TMCC3: variants seen among roughly 807,000 people sequenced by gnomAD.
The protein encoded by TMCC3 is transmembrane and coiled-coil domain family 3, also known as transmembrane and coiled-coil domain protein 3.
A neutral mutation model predicts 40.2 loss-of-function variants in TMCC3; 28 were observed. The ratio of observed to expected loss-of-function variants is 0.70; its 90% CI spans 0.52 to 0.95. TMCC3 has a LOEUF of 0.95. Among genes scored for constraint, TMCC3 ranks in the 40% least tolerant of loss-of-function variants. TMCC3 has a pLI of 0.00. For synonymous variants in TMCC3, 255 were observed against 248.5 expected, an observed-to-expected ratio of 1.03 and a Z score of -0.25; for missense variants, 554 against 615.2, an observed-to-expected ratio of 0.90 and a Z score of 1.05.
intron 1 of TMCC3, among the ~76,000 whole-genome samples, chr12:94,647,807 G>A (rs1472732371): frequency 1.3e-5 from 2 of 152,180 alleles, no homozygotes; most frequent in African/African-American, 4.8e-5. Context: ...CAGTAAAATT[G>A]TTGCTTTCCC....
At chr12:94,610,826 A>C (rs947667617) in intron 1 of TMCC3, among the ~76,000 whole-genome samples, 2 of 152,186 alleles carry the variant, frequency 1.3e-5, no homozygotes, top group Admixed American at 1.3e-4. Context: ...GATATGTACA[A>C]TTGTATACTC....
At chr12:94,594,035 G>GGC (rs1019775055) in intron 1 of TMCC3, among the ~76,000 whole-genome samples, 4 of 152,048 alleles carry the variant, frequency 2.6e-5, no homozygotes, top group African/African-American at 9.7e-5. Flanking sequence ...AGGGATGTGA[G>GGC]GCAACACCCA....
chr12:94,613,555 A>G lies in TMCC3; in HGVS notation c.79-31017T>C, dbSNP rs1394680002. 2.0e-5 allele frequency among the ~76,000 whole-genome samples: 3 copies of G among 152,220 alleles called. No individual in the cohort carries two copies. The East Asian group carries it at 5.8e-4, about 29-fold the overall frequency. ...TACTTTATAAAGGTCAAACGCAGGC[A>G]AACTCTTTTTTAGGTATGAACACAC... On this transcript the variant is annotated intron_variant, in intron 1 of 3. Transcript: ENST00000261226.
intron 1 of TMCC3, among the ~76,000 whole-genome samples, chr12:94,600,137 A>G (rs1292243018): frequency 6.6e-6 from 1 of 151,868 alleles, no homozygotes; most frequent in Non-Finnish European, 1.5e-5. Flanking sequence ...GGGTTTGGGG[A>G]CTGGGTTATA....
chr12:94,576,805 A>G (rs2068567858), intron 3 of TMCC3, among the ~76,000 whole-genome samples: 1 of 152,042 alleles, frequency 6.6e-6, no homozygotes, highest in Non-Finnish European at 1.5e-5. Context: ...AAGGCAATCA[A>G]GGAGCCTGGG....
chr12:94,615,437 C>T (rs1296028173), intron 1 of TMCC3, among the ~76,000 whole-genome samples: 2 of 152,234 alleles, frequency 1.3e-5, no homozygotes, highest in Non-Finnish European at 2.9e-5. Flanking sequence ...GGCAGCATCA[C>T]ACAAAGTCAG....
rs201398574 is a variant in TMCC3 at position 94,581,574 on chromosome 12, T to A, written c.995+48A>T. ...AATAAAATAACATAAAATAAAAAAA[T>A]AAATAAATAAAAAATAAAAAACACG... On this transcript the variant is annotated intron_variant, in intron 2 of 3. Coordinates refer to ENST00000261226, the MANE Select transcript of TMCC3 (RefSeq NM_020698.4). 2.4e-3 allele frequency: 2,815 copies of A among 1,179,928 alleles called. 49 individuals carry two copies. The African/African-American group carries it at 0.041, about 17-fold the overall frequency. The allele number at this position is 1,179,928 out of a possible 1,614,324, so 73.1% of individuals were successfully genotyped here. A position where few individuals can be genotyped will look rare whatever the true frequency, so the allele number is the denominator to read the frequency against.
At chr12:94,617,156 A>G (rs2068852373) in intron 1 of TMCC3, among the ~76,000 whole-genome samples, 2 of 152,206 alleles carry the variant, frequency 1.3e-5, no homozygotes, top group South Asian at 4.1e-4. Flanking sequence ...TATTCACAAG[A>G]TAGGCAAGAG....
chr12:94,586,733 C>T (rs577729587), intron 1 of TMCC3, among the ~76,000 whole-genome samples: 2 of 152,360 alleles, frequency 1.3e-5, no homozygotes, highest in South Asian at 4.1e-4. Flanking sequence ...CTCTCACAGA[C>T]CTCTCGTTAC....
At chr12:94,582,574 A>G in intron 1 of TMCC3, 36 bp from the exon 2 acceptor site, 1 of 1,526,728 alleles carries the variant, frequency 6.5e-7, no homozygotes, top group East Asian at 2.3e-5. Flanking sequence ...TTAAAATTTG[A>G]AGTCAAAGAG....
intron 1 of TMCC3, among the ~76,000 whole-genome samples, chr12:94,621,167 G>A (rs1482460122): frequency 6.6e-6 from 1 of 152,210 alleles, no homozygotes; most frequent in African/African-American, 2.4e-5. Context: ...ACACAGCACA[G>A]AGAATTCTAT....
Position 94,650,475 on chromosome 12 carries a change from C to A in TMCC3, c.-45G>T. 1 of 1,234,490 alleles carries A rather than the reference C, an allele frequency of 8.1e-7. No individual in the cohort carries two copies. Among genetic ancestry groups the A allele is most frequent in the Non-Finnish European group, 1.0e-6 (1 of 984,092 alleles). 76.5% of individuals were successfully genotyped at this position (1,234,490 alleles called of 1,614,324 possible). The stretch of plus-strand genomic sequence containing the variant: ...ACTTTCCCGTCTTCTGGGGCTGCCG[C>A]GCCGCGAGCCACCGGCTGTGCTCGG... On this transcript the variant is annotated 5_prime_UTR_variant, in exon 1 of 4. Transcript: ENST00000261226.
chr12:94,596,206 T>C (rs538018699), intron 1 of TMCC3, among the ~76,000 whole-genome samples: 1 of 152,338 alleles, frequency 6.6e-6, no homozygotes, highest in Admixed American at 6.5e-5. Flanking sequence ...AGGCTGGACC[T>C]TTATATACAC....
At chr12:94,579,201 T>G (rs1014356587) in intron 2 of TMCC3, among the ~76,000 whole-genome samples, 1 of 152,212 alleles carries the variant, frequency 6.6e-6, no homozygotes, top group Non-Finnish European at 1.5e-5. Flanking sequence ...CACTGAAGAT[T>G]ATTTTTCTCA....
At chr12:94,638,664 C>A (rs1002512181) in intron 1 of TMCC3, among the ~76,000 whole-genome samples, 2 of 152,192 alleles carry the variant, frequency 1.3e-5, no homozygotes, top group African/African-American at 4.8e-5. Context: ...TCTATGCCAA[C>A]CAGTGATTCA....
At chr12:94,578,169 GAAAAAGAA>G (rs2068578138) in intron 3 of TMCC3, among the ~76,000 whole-genome samples, 1 of 91,242 alleles carries the variant, frequency 1.1e-5, no homozygotes, top group African/African-American at 4.5e-5. Context: ...AAAAAAAAAA[GAAAAAGAA>G]AAAGAAAAAA....
chr12:94,579,669 T>C (rs959600784), intron 2 of TMCC3, among the ~76,000 whole-genome samples: 3 of 152,220 alleles, frequency 2.0e-5, no homozygotes, highest in African/African-American at 7.2e-5. Flanking sequence ...AATCATTTTA[T>C]AAAGAGGACC....
intron 1 of TMCC3, among the ~76,000 whole-genome samples, chr12:94,626,255 G>A (rs1435630917): frequency 6.6e-6 from 1 of 152,192 alleles, no homozygotes; most frequent in Non-Finnish European, 1.5e-5. Context: ...TACAATTTGA[G>A]ATGAGATTTG....
intron 1 of TMCC3, among the ~76,000 whole-genome samples, chr12:94,620,300 T>C (rs2068869043): frequency 6.6e-6 from 1 of 151,820 alleles, no homozygotes; most frequent in South Asian, 2.1e-4. Flanking sequence ...TTATTATTTT[T>C]TTTTTGAGAC....
Sources: allele counts gnomAD v4.1 joint callset (sites outside exome capture counted in the v4.1 genomes callset), GRCh38; gene constraint gnomAD v4.1.1; transcripts MANE v1.5; gene names NCBI Gene and HGNC (gene_info 2026-07-23, HGNC 2026-07-21).